Variants in CADPS observed in about 807,000 individuals in gnomAD.
The protein encoded by CADPS is calcium dependent secretion activator.
A neutral mutation model predicts 167.3 loss-of-function variants in CADPS; 57 were observed. The observed-to-expected ratio is 0.34, with a 90% CI of 0.28 to 0.42. The LOEUF is 0.42. Among genes scored for constraint, CADPS ranks in the 20% least tolerant of loss-of-function variants. The pLI is 1.00. For missense variants in CADPS, 1,414 were observed against 1,738.1 expected (o/e 0.81, Z 3.32); for synonymous variants, 676 against 635.3 (o/e 1.06, Z -0.96).
At chr3:62,693,729 G>A (rs1409665723) in intron 3 of CADPS, among the ~76,000 whole-genome samples, 1 of 151,216 alleles carries the variant, frequency 6.6e-6, no homozygotes, top group African/African-American at 2.4e-5. Flanking sequence ...AGGTTGTAGT[G>A]AGCCGAGATT....
chr3:62,810,975 G>A (rs2094365838), intron 1 of CADPS, among the ~76,000 whole-genome samples: 1 of 152,192 alleles, frequency 6.6e-6, no homozygotes, highest in Non-Finnish European at 1.5e-5. Flanking sequence ...TGGTACTGGT[G>A]GTGGGGAAAC....
At chr3:62,549,355 C>T (rs926796869) in intron 11 of CADPS, among the ~76,000 whole-genome samples, 2 of 150,922 alleles carry the variant, frequency 1.3e-5, no homozygotes, top group African/African-American at 2.4e-5. Flanking sequence ...AGAAAAAACT[C>T]GAATATGAAC....
chr3:62,523,696 G>A (rs1337657669), intron 13 of CADPS, among the ~76,000 whole-genome samples: 2 of 152,190 alleles, frequency 1.3e-5, no homozygotes, highest in Non-Finnish European at 2.9e-5. Context: ...GAATTCCACA[G>A]AAGAGGAAAC....
At chr3:62,560,527 T>C (rs73840506) in intron 9 of CADPS, among the ~76,000 whole-genome samples, 251 of 152,274 alleles carry the variant, frequency 1.6e-3, no homozygotes, top group African/African-American at 5.8e-3. Context: ...AATCTAGTGA[T>C]CTCAAATGAT....
chr3:62,835,655 T>C (rs1409167312), intron 1 of CADPS, among the ~76,000 whole-genome samples: 2 of 152,136 alleles, frequency 1.3e-5, no homozygotes, highest in Non-Finnish European at 2.9e-5. Context: ...AGAGGGGACG[T>C]GGCAAATCAC....
intron 3 of CADPS, among the ~76,000 whole-genome samples, chr3:62,692,716 T>C (rs768123821): frequency 2.0e-5 from 3 of 152,098 alleles, no homozygotes; most frequent in Non-Finnish European, 2.9e-5. Flanking sequence ...CTGGTCTCTC[T>C]GCTTTGATGC....
intron 1 of CADPS, among the ~76,000 whole-genome samples, chr3:62,854,515 A>G (rs899047798): frequency 6.6e-6 from 1 of 152,210 alleles, no homozygotes; most frequent in Non-Finnish European, 1.5e-5. Flanking sequence ...CTGTCAAGGA[A>G]TATCTCCATA....
At chr3:62,471,251 A>T (rs1432371772) in intron 24 of CADPS, among the ~76,000 whole-genome samples, 2 of 152,178 alleles carry the variant, frequency 1.3e-5, no homozygotes, top group Admixed American at 6.5e-5. Context: ...AGCTAAGGTC[A>T]TTCTACCTTG....
At chr3:62,754,724 G>T (rs983555892) in intron 2 of CADPS, among the ~76,000 whole-genome samples, 1 of 152,096 alleles carries the variant, frequency 6.6e-6, no homozygotes, top group African/African-American at 2.4e-5. Context: ...TTAAAATGAG[G>T]ATTAAATGTG....
At chr3:62,642,110 GA>G (rs34341701) in intron 6 of CADPS, among the ~76,000 whole-genome samples, 14,507 of 145,628 alleles carry the variant, frequency 0.1, 854 homozygotes, top group African/African-American at 0.16. Flanking sequence ...GGCTATACTT[GA>G]AAAAAAAAAA....
At chr3:62,866,272 C>T (rs1008828995) in intron 1 of CADPS, among the ~76,000 whole-genome samples, 8 of 152,018 alleles carry the variant, frequency 5.3e-5, no homozygotes, top group Admixed American at 3.9e-4. Flanking sequence ...CTCTGAGAAG[C>T]TTTTATAAAA....
At chr3:62,606,352 A>G (rs1228395968) in intron 6 of CADPS, among the ~76,000 whole-genome samples, 1 of 152,174 alleles carries the variant, frequency 6.6e-6, no homozygotes, top group African/African-American at 2.4e-5. Context: ...TTATGGATTA[A>G]TGGGTTAACA....
intron 3 of CADPS, among the ~76,000 whole-genome samples, chr3:62,737,056 T>C (rs2079117911): frequency 6.6e-6 from 1 of 151,600 alleles, no homozygotes; most frequent in South Asian, 2.1e-4. Flanking sequence ...AAGAATCACT[T>C]GAACCCTGGA....
chr3:62,517,174 A>G (rs2069203722), intron 14 of CADPS, among the ~76,000 whole-genome samples: 1 of 152,148 alleles, frequency 6.6e-6, no homozygotes, highest in African/African-American at 2.4e-5. Context: ...GTGTATGATC[A>G]ATAAAGATTT....
chr3:62,813,411 T>A (rs181325169), intron 1 of CADPS, among the ~76,000 whole-genome samples: 408 of 151,898 alleles, frequency 2.7e-3, no homozygotes, highest in Non-Finnish European at 4.6e-3. Context: ...TGGCTAACCA[T>A]ATGCAGAAGA....
At chr3:62,793,364 C>T (rs988655031) in intron 1 of CADPS, among the ~76,000 whole-genome samples, 5 of 152,124 alleles carry the variant, frequency 3.3e-5, no homozygotes, top group Admixed American at 6.5e-5. Context: ...TCAGTTTCAG[C>T]GGTGCTGTTG....
rs1200226350 is a variant in CADPS, at chr3:62,458,020, T to C, written c.3636+7347A>G. Among the ~76,000 whole-genome samples the C allele has an allele frequency of 1.3e-5, 2 of 152,168 alleles. No homozygotes were observed. Among genetic ancestry groups the C allele is most frequent in the South Asian group, 2.1e-4 (1 of 4,826 alleles). ...GGGTGCAGCAAACCACCATGGCACA[T>C]GTATACCTATGTAACAAACCCGCAC... On this transcript the variant is annotated intron_variant, in intron 26 of 29. Coordinates refer to ENST00000383710, the MANE Select transcript of CADPS (RefSeq NM_003716.4). The surrounding 1 kb of genome is among the most constrained non-coding windows in gnomAD (Gnocchi z 4.6).
chr3:62,523,998 G>A (rs541288777), intron 13 of CADPS, among the ~76,000 whole-genome samples: 1 of 152,232 alleles, frequency 6.6e-6, no homozygotes, highest in African/African-American at 2.4e-5. Flanking sequence ...GGCCAGAGAG[G>A]GACAGAATAT....
At chr3:62,403,035 T>C (rs1410974306) in intron 29 of CADPS, 46 bp downstream of exon 29, 1 of 1,239,912 alleles carries the variant, frequency 8.1e-7, no homozygotes, top group Non-Finnish European at 1.2e-6. Context: ...GTGAAATATA[T>C]TTCAGTAAGC....
Sources: gnomAD v4.1 joint callset for allele counts (sites outside exome capture counted in the v4.1 genomes callset) on GRCh38, gnomAD v4.1.1 for gene constraint, Gnocchi (gnomAD v3.1) non-coding constraint, MANE v1.5 for transcripts, NCBI Gene and HGNC (gene_info 2026-07-23, HGNC 2026-07-21) for gene names.